The following PDE4D variants were observed in gnomAD, a reference collection of about 807,000 sequenced individuals.
The protein encoded by PDE4D is 3',5'-cyclic-AMP phosphodiesterase 4D.
Under a neutral mutation model 87.4 loss-of-function variants are expected in PDE4D, and 24 were observed. The ratio of observed to expected loss-of-function variants is 0.27; its 90% CI spans 0.20 to 0.39. The LOEUF (loss-of-function observed/expected upper bound fraction) is 0.39, where lower values mean the gene tolerates loss of function less well. Ranked by LOEUF, PDE4D falls within the 10% of genes least tolerant of loss-of-function variation. The pLI is 1.00. For synonymous variants in PDE4D, 384 were observed against 383.2 expected (o/e 1.00, Z -0.02); for missense variants, 714 against 1,041.0 (o/e 0.69, Z 4.32).
intron 2 of PDE4D, among the ~76,000 whole-genome samples, chr5:60,097,775 G>A (rs1194089708): frequency 1.3e-5 from 2 of 151,858 alleles, no homozygotes; most frequent in African/African-American, 4.8e-5. Context: ...TAAATCCGGT[G>A]CTGTGATGGA....
chr5:60,050,918 A>G (rs1770061591), intron 2 of PDE4D, among the ~76,000 whole-genome samples: 1 of 152,216 alleles, frequency 6.6e-6, no homozygotes, highest in South Asian at 2.1e-4. Flanking sequence ...CTTTAAACCA[A>G]CAAAGATCAA....
intron 3 of PDE4D, among the ~76,000 whole-genome samples, chr5:59,944,360 TG>T (rs1379943346): frequency 6.6e-6 from 1 of 151,392 alleles, no homozygotes. Flanking sequence ...GCTTTTTTTT[TG>T]TTTTTGTTCG....
intron 1 of PDE4D, among the ~76,000 whole-genome samples, chr5:59,223,599 G>A (rs1474359425): frequency 6.6e-6 from 1 of 152,040 alleles, no homozygotes; most frequent in East Asian, 1.9e-4. Flanking sequence ...AATATCACAA[G>A]GTTATGAAGC....
At chr5:59,352,432 T>G (rs2153587562) in intron 1 of PDE4D, among the ~76,000 whole-genome samples, 1 of 152,282 alleles carries the variant, frequency 6.6e-6, no homozygotes, top group African/African-American at 2.4e-5. Context: ...GAAAGTTACA[T>G]CCCAGTGTAT....
intron 1 of PDE4D, among the ~76,000 whole-genome samples, chr5:59,230,554 G>T (rs1165137092): frequency 2.6e-5 from 4 of 152,144 alleles, no homozygotes; most frequent in African/African-American, 7.2e-5. Flanking sequence ...AATATTATGT[G>T]TTAAGTATGT....
intron 1 of PDE4D, among the ~76,000 whole-genome samples, chr5:59,767,951 G>A (rs903305496): frequency 3.3e-5 from 5 of 152,164 alleles, no homozygotes; most frequent in Non-Finnish European, 5.9e-5. Context: ...ACGTACGTAT[G>A]GGAATAAAAC....
chr5:59,741,385 C>G (rs1411454141), intron 1 of PDE4D, among the ~76,000 whole-genome samples: 2 of 151,976 alleles, frequency 1.3e-5, no homozygotes, highest in Non-Finnish European at 2.9e-5. Flanking sequence ...AGTCAATAAG[C>G]CCAGTTTTTA....
rs374011584 is a variant in PDE4D, at chr5:58,975,776, G to A, written c.1894C>T (p.Arg632Cys). The change falls in exon 14 of 15, where the codon CGC becomes TGC. Residue 632 changes from arginine (R) to cysteine (C), a missense_variant. This residue lies in a region of PDE4D where 97 missense variants were observed against 176.9 expected (regional missense o/e 0.55). Coordinates refer to ENST00000340635, the MANE Select transcript of PDE4D (RefSeq NM_001104631.2). The surrounding 1 kb of genome is among the most constrained non-coding windows in gnomAD (Gnocchi z 4.2). ...TCCATTATCCGGTCCGTCCACTGGC[G>A]GTACAGCTGGAGAGGCTTTGTTGGG... ...SNPTKPLQLY[R>C]QWTDRIMEEF... is the part of the protein sequence containing the mutation. 12 of 1,611,548 alleles carry A rather than the reference G, an allele frequency of 7.4e-6. No homozygotes were observed. The highest frequency in any genetic ancestry group is 1.1e-5 in the South Asian group (1 of 90,708).
At chr5:59,700,847 A>G (rs1752455999) in intron 1 of PDE4D, among the ~76,000 whole-genome samples, 1 of 152,144 alleles carries the variant, frequency 6.6e-6, no homozygotes, top group African/African-American at 2.4e-5. Flanking sequence ...TAGAATCACA[A>G]AGCTAGCTCA....
At chr5:59,711,358 T>C (rs942973620) in intron 1 of PDE4D, among the ~76,000 whole-genome samples, 12 of 151,792 alleles carry the variant, frequency 7.9e-5, no homozygotes, top group Non-Finnish European at 1.0e-4. Flanking sequence ...TTAAAAATAA[T>C]AGTTAAATAA....
chr5:58,980,124 G>A (rs939543111), intron 11 of PDE4D, among the ~76,000 whole-genome samples: 1 of 152,206 alleles, frequency 6.6e-6, no homozygotes, highest in Admixed American at 6.5e-5. Flanking sequence ...ATTCATGGAT[G>A]GCATGGAGCC....
intron 1 of PDE4D, among the ~76,000 whole-genome samples, chr5:59,477,406 T>A (rs971364236): frequency 1.0e-4 from 15 of 150,006 alleles, no homozygotes; most frequent in Non-Finnish European, 2.1e-4. Context: ...TGCTTACTTA[T>A]ATACCTAATA....
chr5:59,942,272 G>A (rs1192407675), intron 3 of PDE4D, among the ~76,000 whole-genome samples: 1 of 152,168 alleles, frequency 6.6e-6, no homozygotes, highest in African/African-American at 2.4e-5. Flanking sequence ...GTGGGTTAAA[G>A]GAAGCCCTCA....
exon 3 of PDE4D, chr5:59,988,587 T>C: frequency 6.3e-7 from 1 of 1,599,442 alleles, no homozygotes. Flanking sequence ...CAAGTCAGCT[T>C]GTTCCAACTG....
At chr5:60,045,618 G>T (rs1458343675) in intron 2 of PDE4D, among the ~76,000 whole-genome samples, 6 of 152,124 alleles carry the variant, frequency 3.9e-5, no homozygotes, top group African/African-American at 1.2e-4. Flanking sequence ...ATTAAATAGG[G>T]AATCCTCTCC....
At chr5:59,364,026 T>C (rs1472110755) in intron 1 of PDE4D, among the ~76,000 whole-genome samples, 3 of 152,176 alleles carry the variant, frequency 2.0e-5, no homozygotes, top group African/African-American at 7.2e-5. Context: ...AAGGTAACAA[T>C]GTGCTAGGGG....
intron 1 of PDE4D, among the ~76,000 whole-genome samples, chr5:59,766,888 G>A (rs1218024684): frequency 1.3e-5 from 2 of 152,126 alleles, no homozygotes; most frequent in Non-Finnish European, 2.9e-5. Flanking sequence ...CTCCTCTTAT[G>A]GCCATTACAT....
chr5:60,063,231 T>C (rs1582459801), intron 2 of PDE4D, among the ~76,000 whole-genome samples: 1 of 152,086 alleles, frequency 6.6e-6, no homozygotes, highest in Middle Eastern at 3.4e-3. Flanking sequence ...AGAACCTCAA[T>C]ACAGGAATAT....
chr5:59,422,140 G>A (rs935920732), intron 1 of PDE4D, among the ~76,000 whole-genome samples: 1 of 152,180 alleles, frequency 6.6e-6, no homozygotes, highest in South Asian at 2.1e-4. Flanking sequence ...GGATGATGAG[G>A]CCTGAGGATG....
Sources: allele counts gnomAD v4.1 joint callset (sites outside exome capture counted in the v4.1 genomes callset), GRCh38; gene constraint gnomAD v4.1.1; regional missense constraint gnomAD v4.1.1; non-coding constraint Gnocchi (gnomAD v3.1); transcripts MANE v1.5; gene names NCBI Gene and HGNC (gene_info 2026-07-23, HGNC 2026-07-21).